PAN3: variants seen among roughly 807,000 people sequenced by gnomAD.
PAN3 encodes the protein poly(A) specific ribonuclease subunit PAN3, also known as PAN2-PAN3 deadenylation complex subunit PAN3.
In PAN3, 19 loss-of-function variants were observed where a neutral mutation model predicts 96.2. That is an observed-to-expected ratio of 0.20 (90% CI 0.14 to 0.29). PAN3 has a LOEUF of 0.29. Among genes scored for constraint, PAN3 ranks in the 10% least tolerant of loss-of-function variants. The pLI is 1.00. For missense variants in PAN3, 882 were observed against 1,108.1 expected, an observed-to-expected ratio of 0.80 and a Z score of 2.90; for synonymous variants, 433 against 406.6, an observed-to-expected ratio of 1.06 and a Z score of -0.78.
chr13:28,254,475 A>G (rs1884980718), intron 6 of PAN3, among the ~76,000 whole-genome samples: 1 of 152,150 alleles, frequency 6.6e-6, no homozygotes, highest in Non-Finnish European at 1.5e-5. Flanking sequence ...TTACTTGGCC[A>G]GTTTATTTTG....
intron 6 of PAN3, among the ~76,000 whole-genome samples, chr13:28,223,853 T>C (rs2138396909): frequency 6.6e-6 from 1 of 151,724 alleles, no homozygotes; most frequent in Admixed American, 6.6e-5. Context: ...TACTTTAATT[T>C]TTGTGCCATG....
At chr13:28,201,500 T>A (rs1878692608) in intron 5 of PAN3, among the ~76,000 whole-genome samples, 1 of 152,026 alleles carries the variant, frequency 6.6e-6, no homozygotes, top group African/African-American at 2.4e-5. Flanking sequence ...GAGCAGAGAT[T>A]GTGTCGCTGC....
Position 28,292,663 on chromosome 13 carries a change from A to C in PAN3, c.*141A>C, listed in dbSNP as rs1224249025. 1.9e-5 allele frequency: 13 copies of C among 686,608 alleles called. No homozygotes were observed. The highest frequency in any genetic ancestry group is 2.8e-5 in the Non-Finnish European group (13 of 458,616). The allele number at this position is 686,608 out of a possible 1,614,324, so 42.5% of individuals were successfully genotyped here. A position where few individuals can be genotyped will look rare whatever the true frequency, so the allele number is the denominator to read the frequency against. On this transcript the variant is annotated 3_prime_UTR_variant, in exon 19 of 19. Coordinates refer to ENST00000380958, the MANE Select transcript of PAN3 (RefSeq NM_175854.8). Reference sequence around the variant, plus strand: ...AAAGCTGCTTGCACTTCAGTCAGGTACACTGTTACTTGAAAGGAAGAATGT... The same window carrying C: ...AAAGCTGCTTGCACTTCAGTCAGGTCCACTGTTACTTGAAAGGAAGAATGT...
chr13:28,281,432 C>A, intron 17 of PAN3, 53 bp downstream of exon 17: 1 of 1,454,996 alleles, frequency 6.9e-7, no homozygotes, highest in Non-Finnish European at 9.5e-7. Context: ...CACTATTTTG[C>A]ATAATAAGAA....
At position 28,138,898 on chromosome 13, in the gene PAN3, C is replaced by A; in HGVS notation, c.241C>A (p.Leu81Ile). ...CGCCGGGGCTGCCCCGGGCCTCGGC[C>A]TCCATAGCAACAGCGTCCCCCTGGC... ...PAAGAAPGLG[L>I]HSNSVPLALA... Residue 81 changes from leucine to isoleucine, a missense_variant, in exon 1 of 19, where the codon CTC (leucine) becomes ATC (isoleucine). Physicochemically the swap from Leu to Ile is conservative, Grantham distance 5. Transcript: ENST00000380958. 3 of 1,396,890 alleles carry A rather than the reference C, an allele frequency of 2.1e-6. No homozygotes were observed. Among genetic ancestry groups the A allele is most frequent in the Non-Finnish European group, 1.9e-6 (2 of 1,080,082 alleles). The allele number at this position is 1,396,890 out of a possible 1,614,324, so 86.5% of individuals were successfully genotyped here.
At chr13:28,186,425 A>G (rs1334449328) in intron 4 of PAN3, among the ~76,000 whole-genome samples, 1 of 152,334 alleles carries the variant, frequency 6.6e-6, no homozygotes, top group South Asian at 2.1e-4. Context: ...TTGGTATAAA[A>G]TAGGCGCTAT....
chr13:28,272,107 C>G, intron 14 of PAN3, 36 bp downstream of exon 14: 1 of 1,391,194 alleles, frequency 7.2e-7, no homozygotes, highest in Non-Finnish European at 9.9e-7. Flanking sequence ...TACTTGTTTT[C>G]CTTTATTAAA....
At chr13:28,291,189 CT>C (rs1289557502) in intron 18 of PAN3, among the ~76,000 whole-genome samples, 8 of 150,814 alleles carry the variant, frequency 5.3e-5, no homozygotes, top group African/African-American at 7.5e-5. Flanking sequence ...CAGAAATTGT[CT>C]GGTAAATGAT....
intron 6 of PAN3, among the ~76,000 whole-genome samples, chr13:28,243,278 C>A (rs1420801817): frequency 6.6e-6 from 1 of 152,130 alleles, no homozygotes; most frequent in Non-Finnish European, 1.5e-5. Flanking sequence ...GATTTGGATA[C>A]CCTTTTTAAC....
rs1445023726 is a variant in PAN3 at position 28,267,017 on chromosome 13, G to A, written c.1574-78G>A. The A allele has an allele frequency of 4.3e-6, 6 of 1,389,872 alleles. No individual in the cohort carries two copies. The East Asian group carries it at 9.2e-5, about 21-fold the overall frequency. 86.1% of individuals were successfully genotyped at this position (1,389,872 alleles called of 1,614,324 possible). On this transcript the variant is annotated intron_variant, in intron 10 of 18. Coordinates refer to ENST00000380958, the MANE Select transcript of PAN3 (RefSeq NM_175854.8). ...ACCTCATGAGCAATGTATAAATATG[G>A]CAATTTTTTTCCATTTCTGATGGAA...
rs561338357 is a variant in PAN3, at chr13:28,266,951, T to C, written c.1573+75T>C. 17 of 1,299,672 alleles carry C rather than the reference T, an allele frequency of 1.3e-5. No individual in the cohort carries two copies. The African/African-American group carries it at 2.5e-4, about 19-fold the overall frequency. 80.5% of individuals were successfully genotyped at this position (1,299,672 alleles called of 1,614,324 possible). A position where few individuals can be genotyped will look rare whatever the true frequency, so the allele number is the denominator to read the frequency against. On this transcript the variant is annotated intron_variant, in intron 10 of 18. Transcript: ENST00000380958. ...ATTATTCAAACCTTCTTGAATATAT[T>C]ATTTAATATATGAATTAAAAATTTT...
chr13:28,192,245 T>C (rs1211305525), intron 4 of PAN3, among the ~76,000 whole-genome samples: 1 of 151,820 alleles, frequency 6.6e-6, no homozygotes, highest in Non-Finnish European at 1.5e-5. Context: ...AATTTTTGTA[T>C]TTTTAGTAGA....
chr13:28,169,430 A>G (rs375829528), intron 1 of PAN3, among the ~76,000 whole-genome samples: 2 of 151,228 alleles, frequency 1.3e-5, no homozygotes, highest in East Asian at 4.0e-4. Context: ...GGGTTTCACC[A>G]TGTTGGCCAG....
At chr13:28,190,297 C>T (rs1005325084) in intron 4 of PAN3, among the ~76,000 whole-genome samples, 3 of 152,108 alleles carry the variant, frequency 2.0e-5, no homozygotes, top group Non-Finnish European at 4.4e-5. Flanking sequence ...GGTTAGAGTG[C>T]AGTGGCACAG....
chr13:28,229,395 C>T (rs1485493402), intron 6 of PAN3, among the ~76,000 whole-genome samples: 1 of 152,092 alleles, frequency 6.6e-6, no homozygotes, highest in Non-Finnish European at 1.5e-5. Context: ...AAAATTTTTC[C>T]ATAGTACTCT....
In PAN3 at chr13:28,177,937, T is replaced by G. The variant is rs1875258709; in HGVS notation, c.690+2T>G. The G allele has an allele frequency of 6.2e-7, 1 of 1,600,848 alleles. No homozygotes were observed. The highest frequency in any genetic ancestry group is 1.3e-5 in the African/African-American group (1 of 74,600). ...CTCAACATCTCTCAGAGACGAAAGG[T>G]AGGTGAAATTGAAACTTGAATTAAA... On this transcript the variant is annotated splice_donor_variant, in intron 4 of 18. Coordinates refer to ENST00000380958, the MANE Select transcript of PAN3 (RefSeq NM_175854.8). LOFTEE classifies it high-confidence loss of function.
At chr13:28,151,810 G>A (rs1871400706) in intron 1 of PAN3, among the ~76,000 whole-genome samples, 1 of 152,178 alleles carries the variant, frequency 6.6e-6, no homozygotes, top group East Asian at 1.9e-4. Flanking sequence ...TGGGAGAGCA[G>A]ATCAGGAGTT....
intron 6 of PAN3, among the ~76,000 whole-genome samples, chr13:28,224,093 G>A (rs966239310): frequency 6.6e-6 from 1 of 151,524 alleles, no homozygotes; most frequent in East Asian, 1.9e-4. Flanking sequence ...GGATGGTCTC[G>A]ATCTCCTGAC....
At chr13:28,150,171 TTCATAGATGCTGTGACAATATG>T (rs747987962) in intron 1 of PAN3, among the ~76,000 whole-genome samples, 15 of 152,292 alleles carry the variant, frequency 9.8e-5, no homozygotes, top group Non-Finnish European at 1.6e-4. Flanking sequence ...GTTTTTATGG[TTCATAGATGCTGTGACAATATG>T]TCAGCTATCT....
Sources: allele counts gnomAD v4.1 joint callset (sites outside exome capture counted in the v4.1 genomes callset), GRCh38; gene constraint gnomAD v4.1.1; transcripts MANE v1.5; gene names NCBI Gene and HGNC (gene_info 2026-07-23, HGNC 2026-07-21).